DMGDH: variants seen among roughly 807,000 people sequenced by gnomAD.
DMGDH encodes dimethylglycine dehydrogenase, mitochondrial.
Under a neutral mutation model 95.2 loss-of-function variants are expected in DMGDH, and 76 were observed. That is an observed-to-expected ratio of 0.80 (90% CI 0.66 to 0.97). The LOEUF (loss-of-function observed/expected upper bound fraction) is 0.97, where lower values mean the gene tolerates loss of function less well. Ranked by LOEUF, DMGDH falls within the 50% of genes least tolerant of loss-of-function variation. DMGDH has a pLI of 0.00. For synonymous variants in DMGDH, 345 were observed against 377.6 expected, an observed-to-expected ratio of 0.91 and a Z score of 1.00; for missense variants, 987 against 1,055.0, an observed-to-expected ratio of 0.94 and a Z score of 0.89.
intron 2 of DMGDH, among the ~76,000 whole-genome samples, chr5:79,059,437 T>C (rs565256741): frequency 1.3e-5 from 2 of 152,322 alleles, no homozygotes; most frequent in Admixed American, 1.3e-4. Flanking sequence ...CATATGAAGG[T>C]TTCTCTTCAC....
intron 7 of DMGDH, among the ~76,000 whole-genome samples, chr5:79,036,531 AG>A (rs1754352775): frequency 6.6e-6 from 1 of 152,226 alleles, no homozygotes; most frequent in Non-Finnish European, 1.5e-5. Context: ...GCATTGTGTT[AG>A]TTACCTAGAA....
At position 79,051,322 on chromosome 5, in the gene DMGDH, C is replaced by A; in HGVS notation, c.710G>T (p.Gly237Val). Residue 237 changes from glycine to valine, a missense_variant, in exon 5 of 16, where the codon GGG (glycine) becomes GTG (valine). Transcript: ENST00000255189. The part of the protein sequence containing the change: ...DGTWDVETPQ[G>V]SMRANRIVNA... ...CACAATTCTATTTGCTCTCATAGAC[C>A]CCTGTGGTGTTTCAACGTCCCATGT... is the stretch of plus-strand genomic sequence containing the variant. The A allele has an allele frequency of 6.2e-7, 1 of 1,614,068 alleles. No homozygotes were observed. Among genetic ancestry groups the A allele is most frequent in the Non-Finnish European group, 8.5e-7 (1 of 1,180,022 alleles).
At chr5:79,005,239 C>T in intron 15 of DMGDH, 34 bp downstream of exon 15, 1 of 1,612,538 alleles carries the variant, frequency 6.2e-7, no homozygotes, top group Non-Finnish European at 8.5e-7. Flanking sequence ...CAGAAGATGC[C>T]ACAGCCCCTG....
intron 12 of DMGDH, among the ~76,000 whole-genome samples, chr5:79,027,889 T>A (rs1269059693): frequency 6.6e-6 from 1 of 150,690 alleles, no homozygotes; most frequent in African/African-American, 2.4e-5. Flanking sequence ...TTGCCCAGGC[T>A]GGAGTACAGT....
chr5:79,065,219 CTT>C (rs35123793), intron 1 of DMGDH, among the ~76,000 whole-genome samples: 125 of 129,598 alleles, frequency 9.6e-4, no homozygotes, highest in Non-Finnish European at 1.3e-3. Flanking sequence ...TTTTCTTTTC[CTT>C]TTTTTTTTTT....
intron 15 of DMGDH, chr5:79,000,031 T>G (rs28326): frequency 0.17 from 52,082 of 299,536 alleles, 4,918 homozygotes; most frequent in Admixed American, 0.23. Context: ...AACAAATATG[T>G]TGGAAGAATT....
In DMGDH at chr5:79,044,435, A is replaced by C. The variant is rs1708929553; in HGVS notation, c.863T>G (p.Leu288Arg). ...ISEVKALKRE[L>R]PVLRDLEGSY... ...TCCTTCCAGGTCACGGAGCACAGGC[A>C]GTTCTCGTTTCAAAGCTTTCACTTC... is the stretch of plus-strand genomic sequence containing the variant. Residue 288 changes from leucine to arginine, a missense_variant, in exon 6 of 16, where the codon CTG becomes CGG. By Grantham distance (102) the Leu-to-Arg change is moderately radical. Coordinates refer to ENST00000255189, the MANE Select transcript of DMGDH (RefSeq NM_013391.3). 1 of 1,614,216 alleles carries C rather than the reference A, an allele frequency of 6.2e-7. No individual in the cohort carries two copies.
chr5:79,029,823 T>G (rs892247705), intron 11 of DMGDH, 81 bp downstream of exon 11: 13 of 1,391,956 alleles, frequency 9.3e-6, no homozygotes, highest in Non-Finnish European at 1.3e-5. Context: ...TACTTTCGAG[T>G]ACTGGTAAAA....
chr5:79,034,576 G>C (rs1754284678), intron 7 of DMGDH, among the ~76,000 whole-genome samples: 1 of 152,084 alleles, frequency 6.6e-6, no homozygotes, highest in Non-Finnish European at 1.5e-5. Flanking sequence ...AGAGAAGCAA[G>C]AAAAGGGGAT....
chr5:79,051,151 TAGAAAC>T (rs1452848250), intron 5 of DMGDH, 130 bp downstream of exon 5: 2 of 1,004,866 alleles, frequency 2.0e-6, no homozygotes, highest in Admixed American at 3.6e-5. Context: ...CTTTGTCACT[TAGAAAC>T]AGACAAAATG....
intron 7 of DMGDH, among the ~76,000 whole-genome samples, chr5:79,035,304 G>C (rs1754317896): frequency 6.6e-6 from 1 of 152,082 alleles, no homozygotes; most frequent in Non-Finnish European, 1.5e-5. Context: ...TTGTTGATAA[G>C]ACTTGAAGGC....
intron 10 of DMGDH, among the ~76,000 whole-genome samples, 172 bp from the exon 11 acceptor site, chr5:79,030,206 T>C (rs2112625619): frequency 6.6e-6 from 1 of 152,320 alleles, no homozygotes; most frequent in African/African-American, 2.4e-5. Context: ...AATTTGAAGT[T>C]CTCCATTTAA....
chr5:79,068,318 C>A (rs1755440414), intron 1 of DMGDH, among the ~76,000 whole-genome samples: 1 of 152,156 alleles, frequency 6.6e-6, no homozygotes, highest in Non-Finnish European at 1.5e-5. Context: ...TTAAAAACAT[C>A]ATTATTATAA....
At position 79,054,215 on chromosome 5, in the gene DMGDH, T is replaced by A. The variant is rs533489496; in HGVS notation, c.509A>T (p.Gln170Leu). The A allele has an allele frequency of 6.2e-7, 1 of 1,614,152 alleles. No individual in the cohort carries two copies. The highest frequency in any genetic ancestry group is 1.3e-5 in the African/African-American group (1 of 75,068). ...CATGTTGAGTAAAGGGAACATCTCTTGAATTTTTTCAGGTTCAATGAGATA... is the reference window on the plus strand; with the variant it reads ...CATGTTGAGTAAAGGGAACATCTCTAGAATTTTTTCAGGTTCAATGAGATA... ...EQYLIEPEKI[Q>L]EMFPLLNMNK... Residue 170 changes from glutamine (Q) to leucine (L), a missense_variant, in exon 4 of 16, where the codon CAA (glutamine) becomes CTA (leucine). Gln to Leu is a moderately radical substitution (Grantham distance 113, BLOSUM62 -2). Coordinates refer to ENST00000255189, the MANE Select transcript of DMGDH (RefSeq NM_013391.3).
chr5:79,033,789 C>T (rs7704913), intron 7 of DMGDH, among the ~76,000 whole-genome samples: 1 of 152,034 alleles, frequency 6.6e-6, no homozygotes, highest in African/African-American at 2.4e-5. Context: ...AAAATTATCT[C>T]GGCATGGTGG....
Position 79,024,234 on chromosome 5 carries a change from A to C in DMGDH, c.2250+37T>G, listed in dbSNP as rs766325766. On this transcript the variant is annotated intron_variant, in intron 14 of 15. Coordinates refer to ENST00000255189, the MANE Select transcript of DMGDH (RefSeq NM_013391.3). ...GTCACAAAATAGCATCATAATGTTA[A>C]GATTTACTTCAAGCACACTTTGGAA... 31 of 1,578,854 alleles carry C rather than the reference A, an allele frequency of 2.0e-5. No homozygotes were observed. In the East Asian group the frequency reaches 7.0e-4, roughly 35 times the overall value.
At chr5:79,033,542 A>C in intron 7 of DMGDH, 134 bp from the exon 8 acceptor site, 1 of 1,089,082 alleles carries the variant, frequency 9.2e-7, no homozygotes, top group Non-Finnish European at 1.4e-6. Flanking sequence ...CATAATCTCT[A>C]TGGAACAATT....
chr5:79,054,043 C>T, intron 4 of DMGDH, 141 bp downstream of exon 4: 1 of 889,864 alleles, frequency 1.1e-6, no homozygotes, highest in Non-Finnish European at 1.7e-6. Flanking sequence ...TGTAAGTTAC[C>T]CAAATTCCAA....
intron 14 of DMGDH, among the ~76,000 whole-genome samples, chr5:79,023,681 T>C (rs896357803): frequency 9.2e-5 from 14 of 152,238 alleles, no homozygotes; most frequent in African/African-American, 3.4e-4. Flanking sequence ...GGAGTTCCCT[T>C]TGGAGTGTCT....
Sources: allele counts gnomAD v4.1 joint callset (sites outside exome capture counted in the v4.1 genomes callset), GRCh38; gene constraint gnomAD v4.1.1; transcripts MANE v1.5; gene names NCBI Gene and HGNC (gene_info 2026-07-23, HGNC 2026-07-21).